BAD: variants seen among roughly 807,000 people sequenced by gnomAD.
The protein encoded by BAD is bcl2-associated agonist of cell death.
BAD carries 18 observed loss-of-function variants against 17.8 expected under a neutral mutation model. The ratio of observed to expected loss-of-function variants is 1.01; its 90% CI spans 0.70 to 1.50. The LOEUF is 1.50. BAD is among the 40% of genes most tolerant of loss of function. The pLI, the probability that BAD is intolerant of heterozygous loss-of-function variation, is 0.00. For synonymous variants in BAD, 112 were observed against 91.5 expected, an observed-to-expected ratio of 1.22 and a Z score of -1.28; for missense variants, 294 against 239.3, an observed-to-expected ratio of 1.23 and a Z score of -1.51.
intron 2 of BAD, among the ~76,000 whole-genome samples, chr11:64,283,782 C>T (rs545174968): frequency 1.3e-4 from 20 of 152,264 alleles, no homozygotes; most frequent in African/African-American, 4.6e-4. Flanking sequence ...CCTAACCCCA[C>T]ACTAATAGCT....
chr11:64,275,919 G>C (rs2033023975), intron 2 of BAD, among the ~76,000 whole-genome samples: 1 of 151,916 alleles, frequency 6.6e-6, no homozygotes, highest in African/African-American at 2.4e-5. Context: ...GGTTCCTCAT[G>C]GTTGCCATTT....
At chr11:64,273,067 T>C (rs925272602) in intron 2 of BAD, among the ~76,000 whole-genome samples, 1 of 151,866 alleles carries the variant, frequency 6.6e-6, no homozygotes, top group Non-Finnish European at 1.5e-5. Flanking sequence ...CTCTATTAAT[T>C]TAAAAAATTA....
intron 2 of BAD, among the ~76,000 whole-genome samples, chr11:64,277,228 G>A (rs1291885163): frequency 6.6e-6 from 1 of 152,198 alleles, no homozygotes; most frequent in Non-Finnish European, 1.5e-5. Context: ...GCTGCCGGGG[G>A]AGGCTGACGT....
intron 2 of BAD, among the ~76,000 whole-genome samples, chr11:64,272,144 C>T (rs1398486227): frequency 1.3e-5 from 2 of 152,104 alleles, no homozygotes; most frequent in Non-Finnish European, 2.9e-5. Context: ...CATGGTGAAA[C>T]CCTGTCTCTA....
chr11:64,278,597 C>G (rs907743430), intron 2 of BAD, among the ~76,000 whole-genome samples: 4 of 152,126 alleles, frequency 2.6e-5, no homozygotes, highest in African/African-American at 7.2e-5. Context: ...AGTTAATTAA[C>G]CTGCTCAAGC....
rs566917714 is a variant in BAD, at chr11:64,280,494, G to C, written c.187+3688C>G. On this transcript the variant is annotated intron_variant, in intron 2 of 3. Transcript: ENST00000309032. ...AGCCTCCCGAGTAGCTGGGACTATA[G>C]GCACCCACCACCACGCCCGGCTAAT... 1.0e-4 allele frequency among the ~76,000 whole-genome samples: 15 copies of C among 146,784 alleles called. No individual in the cohort carries two copies. In the East Asian group the frequency reaches 3.2e-3, roughly 31 times the overall value.
intron 2 of BAD, among the ~76,000 whole-genome samples, chr11:64,281,189 A>G (rs917119229): frequency 2.0e-5 from 3 of 151,450 alleles, no homozygotes; most frequent in African/African-American, 7.3e-5. Context: ...AATGGTCTCT[A>G]TCTCCTGACC....
chr11:64,277,104 G>A, intron 2 of BAD: 1 of 664,334 alleles, frequency 1.5e-6, no homozygotes, highest in East Asian at 2.7e-5. Flanking sequence ...ACACTGAATT[G>A]CACACTTAAT....
At chr11:64,281,648 A>G (rs1267649950) in intron 2 of BAD, among the ~76,000 whole-genome samples, 2 of 152,174 alleles carry the variant, frequency 1.3e-5, no homozygotes, top group East Asian at 1.9e-4. Context: ...CCTTGGCTCC[A>G]GTGGTGCTTC....
At chr11:64,284,554 C>G in intron 1 of BAD, 77 bp downstream of exon 1, 1 of 1,496,842 alleles carries the variant, frequency 6.7e-7, no homozygotes. Flanking sequence ...GCTGTCGGCT[C>G]AGGACCTCAG....
intron 2 of BAD, among the ~76,000 whole-genome samples, chr11:64,272,547 A>C (rs2032716629): frequency 6.6e-6 from 1 of 152,140 alleles, no homozygotes; most frequent in African/African-American, 2.4e-5. Context: ...CGCATCCCCC[A>C]CAGAGCCTTC....
chr11:64,276,708 G>C, intron 2 of BAD: 1 of 555,716 alleles, frequency 1.8e-6, no homozygotes, highest in Non-Finnish European at 3.2e-6. Context: ...GGGAAGGAGA[G>C]GGCTGGGGCA....
chr11:64,276,186 C>T (rs2033039604), intron 2 of BAD, among the ~76,000 whole-genome samples: 1 of 152,008 alleles, frequency 6.6e-6, no homozygotes, highest in South Asian at 2.1e-4. Context: ...TCACCAAATT[C>T]GTGGACTTAG....
In BAD at chr11:64,270,197, G is replaced by A. The variant is rs1484401372; in HGVS notation, c.*12C>T. On this transcript the variant is annotated 3_prime_UTR_variant, in exon 4 of 4. Coordinates refer to ENST00000309032, the MANE Select transcript of BAD (RefSeq NM_032989.3). ...GTGGGAACGGGTGGAGTTTCGGGAT[G>A]TGGAGCGAAGGTCACTGGGAGGGGG... is the stretch of plus-strand genomic sequence containing the variant. The A allele has an allele frequency of 2.5e-6, 4 of 1,613,994 alleles. No homozygotes were observed. The East Asian group carries it at 6.7e-5, about 27-fold the overall frequency.
intron 2 of BAD, chr11:64,272,825 T>C (rs1452178101): frequency 3.9e-5 from 6 of 152,292 alleles, no homozygotes; most frequent in Admixed American, 6.5e-5. Context: ...TCCCCTTGTC[T>C]AGCCAGCCTT....
At chr11:64,277,018 C>T (rs776752711) in intron 2 of BAD, 82 of 717,082 alleles carry the variant, frequency 1.1e-4, no homozygotes, top group Non-Finnish European at 2.9e-5. Context: ...CCTCAGATTC[C>T]CAAGAAGGAG....
At chr11:64,284,149 T>C (rs753463626) in intron 2 of BAD, 33 bp downstream of exon 2, 2 of 1,535,734 alleles carry the variant, frequency 1.3e-6, no homozygotes, top group Non-Finnish European at 1.7e-6. Flanking sequence ...GGGGGTGAGG[T>C]GTCCCGGCAG....
chr11:64,284,353 CTG>C lies in BAD; in HGVS notation c.14_15del (p.Pro5ArgfsTer3). 2 of 1,612,978 alleles carry C rather than the reference CTG, an allele frequency of 1.2e-6. No homozygotes were observed. The highest frequency in any genetic ancestry group is 1.7e-6 in the Non-Finnish European group (2 of 1,179,980). ...TCTTCCTGCTCACTCGGCTCAAACT[CTG>C]GGATCTGGAACATGCTCTGGGCTGT... Reference protein sequence around the residue: MFQIPEFEPSEQEDS... With the variant: MFQIXEFEPSEQEDS... On this transcript the variant is annotated frameshift_variant, in exon 2 of 4. Transcript: ENST00000309032. LOFTEE classifies it high-confidence loss of function.
chr11:64,276,955 G>A (rs745537932), intron 2 of BAD: 26 of 753,518 alleles, frequency 3.5e-5, no homozygotes, highest in Middle Eastern at 2.3e-4. Flanking sequence ...CGGCTGGGGC[G>A]GACATCCCTG....
Sources: allele counts gnomAD v4.1 joint callset (sites outside exome capture counted in the v4.1 genomes callset), GRCh38; gene constraint gnomAD v4.1.1; transcripts MANE v1.5; gene names NCBI Gene and HGNC (gene_info 2026-07-23, HGNC 2026-07-21).